The following ABLIM3 variants were observed in gnomAD, a reference collection of about 807,000 sequenced individuals.
The protein encoded by ABLIM3 is actin-binding LIM protein 3.
In ABLIM3, 61 loss-of-function variants were observed where a neutral mutation model predicts 109.5. That is an observed-to-expected ratio of 0.56 (90% CI 0.45 to 0.69). The LOEUF is 0.69. Among genes scored for constraint, ABLIM3 ranks in the 30% least tolerant of loss-of-function variants. The pLI is 0.00. For missense variants in ABLIM3, 796 were observed against 889.5 expected (o/e 0.89, Z 1.34); for synonymous variants, 300 against 324.8 (o/e 0.92, Z 0.82).
chr5:149,201,747 G>T (rs1440716642), intron 5 of ABLIM3, among the ~76,000 whole-genome samples: 1 of 152,182 alleles, frequency 6.6e-6, no homozygotes, highest in Non-Finnish European at 1.5e-5. Flanking sequence ...AGAAAAACAA[G>T]GAGGCTGGGA....
chr5:149,249,935 A>C, intron 19 of ABLIM3, 91 bp downstream of exon 19: 1 of 1,469,068 alleles, frequency 6.8e-7, no homozygotes, highest in East Asian at 2.3e-5. Flanking sequence ...TAATGACCAT[A>C]CAATGTGGAT....
At chr5:149,215,544 A>G (rs1279974506) in intron 7 of ABLIM3, among the ~76,000 whole-genome samples, 1 of 151,798 alleles carries the variant, frequency 6.6e-6, no homozygotes, top group Non-Finnish European at 1.5e-5. Context: ...GAAAAAAAAA[A>G]CTAAGTTTGG....
chr5:149,226,701 A>G (rs889446576), intron 8 of ABLIM3, among the ~76,000 whole-genome samples: 2 of 152,164 alleles, frequency 1.3e-5, no homozygotes, highest in African/African-American at 4.8e-5. Flanking sequence ...ACCACTTTCA[A>G]TCACTGTACT....
intron 2 of ABLIM3, among the ~76,000 whole-genome samples, chr5:149,175,469 G>A (rs1755842168): frequency 1.3e-5 from 2 of 152,154 alleles, no homozygotes; most frequent in Non-Finnish European, 2.9e-5. Context: ...CAGCTAATAA[G>A]AATGGTTCCC....
intron 11 of ABLIM3, among the ~76,000 whole-genome samples, chr5:149,238,745 G>A (rs191814662): frequency 1.3e-5 from 2 of 152,320 alleles, no homozygotes; most frequent in East Asian, 1.9e-4. Context: ...CTCTTCAGTC[G>A]AGACATCCCA....
intron 2 of ABLIM3, among the ~76,000 whole-genome samples, chr5:149,180,223 T>A (rs888759155): frequency 1.3e-5 from 2 of 152,204 alleles, no homozygotes; most frequent in African/African-American, 4.8e-5. Flanking sequence ...AAGAAAAATG[T>A]TATAAATCAT....
intron 6 of ABLIM3, among the ~76,000 whole-genome samples, chr5:149,207,599 C>T (rs1346375713): frequency 6.6e-6 from 1 of 152,182 alleles, no homozygotes; most frequent in African/African-American, 2.4e-5. Flanking sequence ...CACTTTAAAT[C>T]CTCATAACTG....
At chr5:149,189,942 G>A (rs185161574) in intron 3 of ABLIM3, among the ~76,000 whole-genome samples, 77 of 152,266 alleles carry the variant, frequency 5.1e-4, no homozygotes, top group African/African-American at 1.7e-3. Context: ...ATTCGTAATA[G>A]CCAAAAAGTA....
chr5:149,149,300 G>T (rs1753211419), intron 2 of ABLIM3, among the ~76,000 whole-genome samples: 1 of 152,204 alleles, frequency 6.6e-6, no homozygotes, highest in Non-Finnish European at 1.5e-5. Context: ...TTCTTCTAAG[G>T]ATTCAGCGAA....
chr5:149,232,756 A>G (rs1423336473), intron 9 of ABLIM3, among the ~76,000 whole-genome samples: 2 of 150,748 alleles, frequency 1.3e-5, no homozygotes, highest in Admixed American at 1.3e-4. Context: ...TTGTTCAGAG[A>G]CAGTTTTTTT....
intron 2 of ABLIM3, chr5:149,164,003 TTAGA>T (rs1289605166): frequency 5.3e-5 from 8 of 152,222 alleles, no homozygotes; most frequent in Non-Finnish European, 1.0e-4. Context: ...TAAAGGGTAT[TTAGA>T]TAGTCTTTAA....
intron 3 of ABLIM3, among the ~76,000 whole-genome samples, chr5:149,189,853 C>T (rs1258282320): frequency 6.6e-6 from 1 of 152,146 alleles, no homozygotes; most frequent in Non-Finnish European, 1.5e-5. Flanking sequence ...TTCCAAATTC[C>T]ACTCCTCAGT....
rs1186362479 is a variant in ABLIM3 at position 149,247,800 on chromosome 5, C to T, written c.1570C>T (p.Arg524Trp). The T allele has an allele frequency of 5.0e-6, 8 of 1,614,212 alleles. No individual in the cohort carries two copies. Among genetic ancestry groups the T allele is most frequent in the South Asian group, 4.4e-5 (4 of 91,084 alleles). ...SMHKLQSGIG[R>W]LILKEEMKAR... ...CCCTCAGCTCCAAAGTGGAATTGGC[C>T]GGCTGATTCTGAAGGAAGAAATGAA... The change falls in exon 18 of 24, where the codon CGG becomes TGG. Residue 524 changes from arginine to tryptophan, a missense_variant. Physicochemically the swap from Arg to Trp is moderately radical, Grantham distance 101. Coordinates refer to ENST00000309868, the MANE Select transcript of ABLIM3 (RefSeq NM_014945.5).
chr5:149,216,813 TG>T, intron 7 of ABLIM3, 145 bp from the exon 8 acceptor site: 1 of 663,636 alleles, frequency 1.5e-6, no homozygotes, highest in Non-Finnish European at 2.7e-6. Flanking sequence ...TAGATGGTTG[TG>T]GACTCCCTTG....
chr5:149,211,777 A>T (rs1203843290), intron 7 of ABLIM3, among the ~76,000 whole-genome samples: 1 of 152,136 alleles, frequency 6.6e-6, no homozygotes, highest in East Asian at 1.9e-4. Flanking sequence ...CATGCATTGA[A>T]GCAGAGCCCT....
In ABLIM3 at chr5:149,250,513, G is replaced by A. The variant is rs1469025669; in HGVS notation, c.1788+8G>A. On this transcript the variant is annotated splice_region_variant and intron_variant, in intron 20 of 23. Coordinates refer to ENST00000309868, the MANE Select transcript of ABLIM3 (RefSeq NM_014945.5). ...AGAAATGGGCTGCACAGGGTAAGAA[G>A]CTGTGCTGGAGGATGGGGGAGGACG... The A allele has an allele frequency of 4.3e-6, 7 of 1,614,032 alleles. No homozygotes were observed. Among genetic ancestry groups the A allele is most frequent in the South Asian group, 1.1e-5 (1 of 91,090 alleles).
intron 8 of ABLIM3, among the ~76,000 whole-genome samples, chr5:149,223,918 T>G (rs1760913205): frequency 6.6e-6 from 1 of 152,156 alleles, no homozygotes. Context: ...TGGTAAAGAC[T>G]CAGCACAGGG....
intron 15 of ABLIM3, 23 bp downstream of exon 15, chr5:149,242,561 C>T (rs1752960674): frequency 6.2e-7 from 1 of 1,613,676 alleles, no homozygotes; most frequent in Non-Finnish European, 8.5e-7. Context: ...GTAGATAGGG[C>T]TTGGCCACAC....
chr5:149,167,652 G>A (rs914889573), intron 2 of ABLIM3, among the ~76,000 whole-genome samples: 2 of 152,194 alleles, frequency 1.3e-5, no homozygotes, highest in African/African-American at 2.4e-5. Flanking sequence ...ACCACAGTGT[G>A]CTAGGTATTA....
Sources: allele counts gnomAD v4.1 joint callset (sites outside exome capture counted in the v4.1 genomes callset), GRCh38; gene constraint gnomAD v4.1.1; transcripts MANE v1.5; gene names NCBI Gene and HGNC (gene_info 2026-07-23, HGNC 2026-07-21).